Variants in FARP1 observed in about 807,000 individuals in gnomAD.
FARP1 encodes the protein FERM, ARH/RhoGEF and pleckstrin domain protein 1, also known as FERM, ARHGEF and pleckstrin domain-containing protein 1.
FARP1 carries 52 observed loss-of-function variants against 128.8 expected under a neutral mutation model. That is an observed-to-expected ratio of 0.40 (90% CI 0.32 to 0.51). The LOEUF is 0.51. FARP1 is among the 20% of genes least tolerant of loss of function. The pLI, the probability that FARP1 is intolerant of heterozygous loss-of-function variation, is 0.45. For missense variants in FARP1, 1,333 were observed against 1,367.9 expected, an observed-to-expected ratio of 0.97 and a Z score of 0.40; for synonymous variants, 580 against 551.8, an observed-to-expected ratio of 1.05 and a Z score of -0.72.
chr13:98,304,360 A>G (rs1049807966), intron 2 of FARP1, among the ~76,000 whole-genome samples: 5 of 152,198 alleles, frequency 3.3e-5, no homozygotes, highest in African/African-American at 9.6e-5. Context: ...GGGAAGAAAA[A>G]TTATTTTAAA....
chr13:98,354,244 TTTC>T (rs1309266790), intron 3 of FARP1, among the ~76,000 whole-genome samples: 5 of 152,236 alleles, frequency 3.3e-5, no homozygotes, highest in African/African-American at 1.2e-4. Flanking sequence ...CTGTCTTTAA[TTTC>T]TTTTTCATTT....
chr13:98,299,697 GTAA>G (rs1885844111), intron 2 of FARP1, among the ~76,000 whole-genome samples: 1 of 152,182 alleles, frequency 6.6e-6, no homozygotes, highest in Non-Finnish European at 1.5e-5. Context: ...TTAGGAAGAT[GTAA>G]TTCTTTAATC....
intron 2 of FARP1, among the ~76,000 whole-genome samples, chr13:98,214,174 C>T (rs1392876008): frequency 6.6e-6 from 1 of 152,204 alleles, no homozygotes. Flanking sequence ...CTGGCCTCTC[C>T]CAGCCTCCTC....
At chr13:98,313,128 ACACACACACACACT>A (rs1206161810) in intron 2 of FARP1, among the ~76,000 whole-genome samples, 5 of 150,948 alleles carry the variant, frequency 3.3e-5, no homozygotes, top group African/African-American at 1.2e-4. Context: ...ACACACACAC[ACACACACACACACT>A]CACTCGAATC....
In FARP1 at chr13:98,213,091, C is replaced by T. The variant is rs1251595024; in HGVS notation, c.-23-129C>T. On this transcript the variant is annotated intron_variant, in intron 1 of 26. Coordinates refer to ENST00000319562, the MANE Select transcript of FARP1 (RefSeq NM_005766.4). Reference sequence around the variant, plus strand: ...AGGTGACTTTGTGAGTGAACCGATGCCTCCCTATATGTGATTCCTGTGCAG... The same window carrying T: ...AGGTGACTTTGTGAGTGAACCGATGTCTCCCTATATGTGATTCCTGTGCAG... 5 of 597,878 alleles carry T rather than the reference C, an allele frequency of 8.4e-6. No homozygotes were observed. The Admixed American group carries it at 1.5e-4, about 18-fold the overall frequency. 37.0% of individuals were successfully genotyped at this position (597,878 alleles called of 1,614,324 possible). A position where few individuals can be genotyped will look rare whatever the true frequency, so the allele number is the denominator to read the frequency against.
chr13:98,336,174 AC>A (rs1391259265), intron 2 of FARP1, among the ~76,000 whole-genome samples: 2 of 152,202 alleles, frequency 1.3e-5, no homozygotes, highest in Non-Finnish European at 2.9e-5. Context: ...AGAAAACAAA[AC>A]ATACTCCTGC....
chr13:98,380,661 C>T (rs59477289), intron 6 of FARP1, among the ~76,000 whole-genome samples: 1 of 152,008 alleles, frequency 6.6e-6, no homozygotes, highest in Non-Finnish European at 1.5e-5. Flanking sequence ...GCAGCCTCGA[C>T]CTCCTGGAAT....
At position 98,287,921 on chromosome 13, in the gene FARP1, C is replaced by G. The variant is rs1431674283; in HGVS notation, c.172-55841C>G. Among the ~76,000 whole-genome samples the G allele has an allele frequency of 1.1e-4, 17 of 151,974 alleles. No homozygotes were observed. In the South Asian group the frequency reaches 2.7e-3, roughly 24 times the overall value. ...GGTTCAAGCGATTCTTCTGCCTCAG[C>G]CTCCCGAGTAGCTGGGACTACGGGC... On this transcript the variant is annotated intron_variant, in intron 2 of 26. Transcript: ENST00000319562.
At chr13:98,331,162 A>T (rs1887492333) in intron 2 of FARP1, among the ~76,000 whole-genome samples, 3 of 152,224 alleles carry the variant, frequency 2.0e-5, no homozygotes, top group Non-Finnish European at 4.4e-5. Flanking sequence ...TCATATTTTT[A>T]AAAAATGTGC....
chr13:98,284,598 C>T lies in FARP1; in HGVS notation c.172-59164C>T, dbSNP rs577270527. ...GAATGAACCCATTGCTCTTTTTCTT[C>T]TTCTGATTACATTAAGGATATCTAG... On this transcript the variant is annotated intron_variant, in intron 2 of 26. Coordinates refer to ENST00000319562, the MANE Select transcript of FARP1 (RefSeq NM_005766.4). Among the ~76,000 whole-genome samples the T allele has an allele frequency of 3.3e-5, 5 of 152,268 alleles. No homozygotes were observed. The South Asian group carries it at 1.0e-3, about 32-fold the overall frequency.
chr13:98,379,457 G>A (rs1200832437), intron 6 of FARP1, among the ~76,000 whole-genome samples: 3 of 151,392 alleles, frequency 2.0e-5, no homozygotes, highest in Non-Finnish European at 4.4e-5. Context: ...ATTTCTGTTC[G>A]TTGGTTGGTG....
At chr13:98,289,287 G>A (rs1885341102) in intron 2 of FARP1, among the ~76,000 whole-genome samples, 1 of 152,116 alleles carries the variant, frequency 6.6e-6, no homozygotes, top group Non-Finnish European at 1.5e-5. Context: ...TTTGGCTAAT[G>A]CAGAGTCTCA....
intron 16 of FARP1, among the ~76,000 whole-genome samples, chr13:98,423,478 G>C (rs1226154899): frequency 6.6e-6 from 1 of 152,156 alleles, no homozygotes; most frequent in Non-Finnish European, 1.5e-5. Flanking sequence ...TGGTTTTCCT[G>C]AACAGTTGGT....
At chr13:98,228,065 A>G (rs1426594724) in intron 2 of FARP1, among the ~76,000 whole-genome samples, 1 of 152,228 alleles carries the variant, frequency 6.6e-6, no homozygotes, top group Non-Finnish European at 1.5e-5. Context: ...GCACTTAAAA[A>G]TGGCTAAAAT....
intron 1 of FARP1, among the ~76,000 whole-genome samples, chr13:98,147,105 G>A (rs1241438252): frequency 3.9e-5 from 6 of 152,174 alleles, no homozygotes; most frequent in Non-Finnish European, 8.8e-5. Flanking sequence ...CCCAGAAAAC[G>A]TGTATTTAAA....
At chr13:98,412,701 C>CA (rs1157267963) in intron 16 of FARP1, among the ~76,000 whole-genome samples, 1 of 152,130 alleles carries the variant, frequency 6.6e-6, no homozygotes, top group Non-Finnish European at 1.5e-5. Flanking sequence ...GAGGGAGGTA[C>CA]AAAAAACCAG....
At chr13:98,443,555 C>T (rs1228251864) in intron 24 of FARP1, among the ~76,000 whole-genome samples, 1 of 152,250 alleles carries the variant, frequency 6.6e-6, no homozygotes, top group Admixed American at 6.5e-5. Flanking sequence ...CCCAGCCTCT[C>T]CCAGTTCCCA....
intron 16 of FARP1, among the ~76,000 whole-genome samples, chr13:98,417,882 C>G (rs181495658): frequency 6.6e-6 from 1 of 152,334 alleles, no homozygotes; most frequent in Admixed American, 6.5e-5. Flanking sequence ...TCTCATCATT[C>G]TACTAGCTCT....
chr13:98,452,002 A>T lies in FARP1; in HGVS notation c.*3685A>T, dbSNP rs2139221301. ...AGTGCGCAAGCAGTCCAGGGCGCTG[A>T]CCTGGGCACTCGGCAGCTCCAGGCC... On this transcript the variant is annotated 3_prime_UTR_variant, in exon 27 of 27. Coordinates refer to ENST00000319562, the MANE Select transcript of FARP1 (RefSeq NM_005766.4). 6.6e-6 allele frequency: 1 copy of T among 152,280 alleles called. No homozygotes were observed. Among genetic ancestry groups the T allele is most frequent in the African/African-American group, 2.4e-5 (1 of 41,530 alleles). 9.4% of individuals were successfully genotyped at this position (152,280 alleles called of 1,614,324 possible).
Sources: gnomAD v4.1 joint callset for allele counts (sites outside exome capture counted in the v4.1 genomes callset) on GRCh38, gnomAD v4.1.1 for gene constraint, MANE v1.5 for transcripts, NCBI Gene and HGNC (gene_info 2026-07-23, HGNC 2026-07-21) for gene names.